GIT2: variants seen among roughly 807,000 people sequenced by gnomAD.
GIT2 encodes the protein GIT ArfGAP 2, also known as ARF GTPase-activating protein GIT2.
GIT2 carries 32 observed loss-of-function variants against 100.3 expected under a neutral mutation model. The ratio of observed to expected loss-of-function variants is 0.32; its 90% CI spans 0.24 to 0.43. The LOEUF (loss-of-function observed/expected upper bound fraction) is 0.43, where lower values mean the gene tolerates loss of function less well. GIT2 is among the 20% of genes least tolerant of loss of function. GIT2 has a pLI of 1.00. For synonymous variants in GIT2, 353 were observed against 364.1 expected, an observed-to-expected ratio of 0.97 and a Z score of 0.35; for missense variants, 737 against 975.1, an observed-to-expected ratio of 0.76 and a Z score of 3.25.
chr12:109,967,238 T>C (rs982248844), intron 8 of GIT2: 2 of 976,064 alleles, frequency 2.0e-6, no homozygotes, highest in Admixed American at 2.2e-5. Flanking sequence ...ACAATATCAC[T>C]GGTTTCAATT....
At position 109,934,700 on chromosome 12, in the gene GIT2, A is replaced by G. The variant is rs953178827; in HGVS notation, c.2004-615T>C. 6.6e-6 allele frequency among the ~76,000 whole-genome samples: 1 copy of G among 152,200 alleles called. No homozygotes were observed. Among genetic ancestry groups the G allele is most frequent in the South Asian group, 2.1e-4 (1 of 4,836 alleles). On this transcript the variant is annotated intron_variant, in intron 18 of 19. Coordinates refer to ENST00000355312, the MANE Select transcript of GIT2 (RefSeq NM_057169.5). The surrounding 1 kb of genome is among the most constrained non-coding windows in gnomAD (Gnocchi z 4.5). ...CAGCCCTTTCCCCATTTTTTAAACC[A>G]TGAAGTTGGCTTCTGAATAGATTGT...
Position 109,947,436 on chromosome 12 carries a change from T to C in GIT2, c.1461A>G (p.Gln487=). Residue 487 remains glutamine, a synonymous_variant, in exon 15 of 20, where the codon CAA becomes CAG. Coordinates refer to ENST00000355312, the MANE Select transcript of GIT2 (RefSeq NM_057169.5). This position sits in a 1 kb window ranked among gnomAD's most constrained non-coding sequence, Gnocchi z 4.3. ...AAGTGTCTGTGTACTCAGAACCAGT[T>C]TGCACCTGATATACATTGGTTGTGG... The part of the protein sequence containing the change: ...KQATTNVYQV[Q]TGSEYTDTSN... 1 of 1,613,784 alleles carries C rather than the reference T, an allele frequency of 6.2e-7. No homozygotes were observed. Among genetic ancestry groups the C allele is most frequent in the Non-Finnish European group, 8.5e-7 (1 of 1,179,648 alleles).
chr12:109,972,012 T>A (rs201533190), intron 7 of GIT2, among the ~76,000 whole-genome samples: 7,438 of 108,302 alleles, frequency 0.069, 222 homozygotes, highest in South Asian at 0.13. Context: ...GAAAAAAAAA[T>A]ATATATATAT....
intron 7 of GIT2, among the ~76,000 whole-genome samples, chr12:109,971,770 A>G: frequency 6.6e-6 from 1 of 151,920 alleles, no homozygotes. Flanking sequence ...AGGTGGGTGG[A>G]TCACCTGAGG....
In GIT2 at chr12:109,930,721, C is replaced by A. The variant is rs1178871348; in HGVS notation, c.*2257G>T. On this transcript the variant is annotated 3_prime_UTR_variant, in exon 20 of 20. Coordinates refer to ENST00000355312, the MANE Select transcript of GIT2 (RefSeq NM_057169.5). ...TTCTCTAGGGCCATAAAGGCAACAT[C>A]TTCTATTGCAGGTCCTCAAACATTC... The A allele has an allele frequency of 6.6e-6, 1 of 152,236 alleles. No homozygotes were observed. Among genetic ancestry groups the A allele is most frequent in the Non-Finnish European group, 1.5e-5 (1 of 68,056 alleles). 9.4% of individuals were successfully genotyped at this position (152,236 alleles called of 1,614,324 possible). A position where few individuals can be genotyped will look rare whatever the true frequency, so the allele number is the denominator to read the frequency against.
Position 109,983,506 on chromosome 12 carries a change from A to G in GIT2, c.493-3T>C. On this transcript the variant is annotated splice_polypyrimidine_tract_variant and splice_region_variant and intron_variant, in intron 5 of 19. Transcript: ENST00000355312. The stretch of plus-strand genomic sequence containing the variant: ...TGGAGTGGGGTGTTTCCTTTTTCCT[A>G]AGAATCATTAATAAAAAGTAGGCAA... 6.2e-7 allele frequency: 1 copy of G among 1,613,154 alleles called. No individual in the cohort carries two copies. Among genetic ancestry groups the G allele is most frequent in the South Asian group, 1.1e-5 (1 of 90,964 alleles).
chr12:109,952,441 T>G (rs1222161040), intron 13 of GIT2: 6 of 513,252 alleles, frequency 1.2e-5, no homozygotes, highest in Non-Finnish European at 1.9e-5. Context: ...ACCAGAAGAG[T>G]CCTCCCCAGA....
chr12:109,962,637 T>A lies in GIT2; in HGVS notation c.817-952A>T, dbSNP rs1881368687. Among the ~76,000 whole-genome samples, 1 of 152,236 alleles carries A rather than the reference T, an allele frequency of 6.6e-6. No individual in the cohort carries two copies. Among genetic ancestry groups the A allele is most frequent in the Non-Finnish European group, 1.5e-5 (1 of 68,032 alleles). Reference sequence around the variant, plus strand: ...GCCTCTTCTGGGGTGGCTCCGCCTCTCTCTGCACTTTCTGCCTCATGCAAC... The same window carrying A: ...GCCTCTTCTGGGGTGGCTCCGCCTCACTCTGCACTTTCTGCCTCATGCAAC... On this transcript the variant is annotated intron_variant, in intron 9 of 19. Coordinates refer to ENST00000355312, the MANE Select transcript of GIT2 (RefSeq NM_057169.5). This position sits in a 1 kb window ranked among gnomAD's most constrained non-coding sequence, Gnocchi z 4.3.
Sources: allele counts gnomAD v4.1 joint callset (sites outside exome capture counted in the v4.1 genomes callset), GRCh38; gene constraint gnomAD v4.1.1; non-coding constraint Gnocchi (gnomAD v3.1); transcripts MANE v1.5; gene names NCBI Gene and HGNC (gene_info 2026-07-23, HGNC 2026-07-21).